VAX2: variants seen among roughly 807,000 people sequenced by gnomAD.
The protein encoded by VAX2 is ventral anterior homeobox 2.
In VAX2, 8 loss-of-function variants were observed where a neutral mutation model predicts 12.5. That is an observed-to-expected ratio of 0.64 (90% confidence interval 0.37 to 1.15). The LOEUF (loss-of-function observed/expected upper bound fraction) is 1.15. VAX2 is among the 50% of genes most tolerant of loss of function. The pLI, the probability that VAX2 is intolerant of heterozygous loss-of-function variation, is 0.01. For missense variants in VAX2, 476 were observed against 412.9 expected, an observed-to-expected ratio of 1.15 and a Z score of -1.32; for synonymous variants, 183 against 187.6, an observed-to-expected ratio of 0.98 and a Z score of 0.20.
At chr2:70,901,504 C>T (rs1482760757) in intron 1 of VAX2, among the ~76,000 whole-genome samples, 8 of 152,266 alleles carry the variant, frequency 5.3e-5, no homozygotes, top group African/African-American at 1.9e-4. Context: ...TTCCCGCGGC[C>T]TGGCCTTTCA....
At chr2:70,927,794 C>T (rs1310544634) in intron 2 of VAX2, among the ~76,000 whole-genome samples, 1 of 151,872 alleles carries the variant, frequency 6.6e-6, no homozygotes, top group Non-Finnish European at 1.5e-5. Flanking sequence ...ACAGTGTGGC[C>T]CAGCAAGAGA....
intron 1 of VAX2, among the ~76,000 whole-genome samples, chr2:70,907,655 A>G (rs1457575309): frequency 6.6e-6 from 1 of 152,266 alleles, no homozygotes; most frequent in East Asian, 1.9e-4. Context: ...TACGAGGCAC[A>G]GCCTCCGGCA....
chr2:70,926,975 G>T (rs562836117), intron 2 of VAX2, among the ~76,000 whole-genome samples: 1 of 152,120 alleles, frequency 6.6e-6, no homozygotes, highest in Non-Finnish European at 1.5e-5. Context: ...GATTCTCCAC[G>T]ATAGTTTGCT....
intron 1 of VAX2, among the ~76,000 whole-genome samples, chr2:70,901,814 G>A (rs1188221370): frequency 6.6e-6 from 1 of 152,228 alleles, no homozygotes. Context: ...CGCGGCCAGA[G>A]CCTGAAGTCC....
At chr2:70,917,730 C>T (rs990566557) in intron 1 of VAX2, among the ~76,000 whole-genome samples, 2 of 134,870 alleles carry the variant, frequency 1.5e-5, no homozygotes, top group Non-Finnish European at 3.1e-5. Context: ...CTGCACTTGG[C>T]TGCTCCCTGA....
chr2:70,912,433 G>A (rs371138573), intron 1 of VAX2, among the ~76,000 whole-genome samples: 2 of 152,104 alleles, frequency 1.3e-5, no homozygotes, highest in Admixed American at 1.3e-4. Flanking sequence ...AGGCCAGAGG[G>A]GGCAGATCAC....
At chr2:70,901,160 G>A (rs2104752351) in intron 1 of VAX2, among the ~76,000 whole-genome samples, 1 of 152,376 alleles carries the variant, frequency 6.6e-6, no homozygotes, top group Middle Eastern at 3.4e-3. Context: ...CAGAAATGGA[G>A]TGCGGGATGC....
chr2:70,912,325 T>C (rs1024565509), intron 1 of VAX2, among the ~76,000 whole-genome samples: 6 of 152,180 alleles, frequency 3.9e-5, no homozygotes, highest in Non-Finnish European at 8.8e-5. Context: ...AATCACATTA[T>C]ATTTGTAGGT....
In VAX2 at chr2:70,921,260, G is replaced by A. The variant is rs145930788; in HGVS notation, c.410G>A (p.Arg137His). 35 of 1,610,638 alleles carry A rather than the reference G, an allele frequency of 2.2e-5. No homozygotes were observed. The Middle Eastern group carries it at 6.6e-4, about 30-fold the overall frequency. The change falls in exon 2 of 3, where the codon CGC (arginine) becomes CAC (histidine). Residue 137 changes from arginine to histidine, a missense_variant. Physicochemically the swap from Arg to His is conservative, Grantham distance 29. Transcript: ENST00000234392. ...GGCCGCGAGCGCACTGAGCTGGCCC[G>A]CCAGCTGAACCTCTCCGAGACCCAG... ...VVGRERTELA[R>H]QLNLSETQVK...
intron 2 of VAX2, among the ~76,000 whole-genome samples, chr2:70,925,530 A>C (rs1210550828): frequency 2.0e-5 from 3 of 152,180 alleles, no homozygotes; most frequent in African/African-American, 7.2e-5. Context: ...GGATCAGTTA[A>C]GTTTGAGATC....
chr2:70,925,546 G>A (rs564055543), intron 2 of VAX2, among the ~76,000 whole-genome samples: 3 of 152,276 alleles, frequency 2.0e-5, no homozygotes, highest in Non-Finnish European at 1.5e-5. Flanking sequence ...AGATCCCAGC[G>A]GAGATGTCAA....
intron 2 of VAX2, among the ~76,000 whole-genome samples, chr2:70,922,740 T>C (rs542895677): frequency 1.3e-5 from 2 of 152,244 alleles, no homozygotes; most frequent in South Asian, 2.1e-4. Flanking sequence ...GCACTTGTTT[T>C]TCCCCAGCTG....
intron 2 of VAX2, among the ~76,000 whole-genome samples, chr2:70,930,490 C>A (rs1246149546): frequency 6.6e-6 from 1 of 152,240 alleles, no homozygotes; most frequent in Non-Finnish European, 1.5e-5. Flanking sequence ...CTTGCTCCCT[C>A]TTCCCCCAAC....
intron 1 of VAX2, among the ~76,000 whole-genome samples, chr2:70,903,850 G>C (rs1553410119): frequency 6.6e-6 from 1 of 152,176 alleles, no homozygotes; most frequent in Non-Finnish European, 1.5e-5. Flanking sequence ...TAGGGGTTAA[G>C]AAGCCACTAA....
intron 2 of VAX2, among the ~76,000 whole-genome samples, chr2:70,928,969 G>A (rs1257019772): frequency 5.3e-5 from 8 of 152,234 alleles, no homozygotes; most frequent in African/African-American, 1.9e-4. Flanking sequence ...AGGTGGCCTG[G>A]CCTCAGGTCC....
At chr2:70,910,050 A>G (rs1316822971) in intron 1 of VAX2, among the ~76,000 whole-genome samples, 1 of 152,098 alleles carries the variant, frequency 6.6e-6, no homozygotes, top group Non-Finnish European at 1.5e-5. Context: ...TTATTATATT[A>G]AGGAATAATT....
chr2:70,915,426 C>T (rs369540998), intron 1 of VAX2, among the ~76,000 whole-genome samples: 35 of 151,994 alleles, frequency 2.3e-4, no homozygotes, highest in African/African-American at 7.7e-4. Context: ...GACGGAGTTT[C>T]GCCACGTTGG....
intron 1 of VAX2, among the ~76,000 whole-genome samples, chr2:70,919,623 T>C (rs1477608180): frequency 2.6e-5 from 4 of 152,096 alleles, no homozygotes; most frequent in Admixed American, 6.6e-5. Flanking sequence ...GGCAGATCAC[T>C]TGAACCCAGA....
rs142431637 is a variant in VAX2 at position 70,932,988 on chromosome 2, A to C, written c.657A>C (p.Leu219Phe). Residue 219 changes from leucine (L) to phenylalanine (F), a missense_variant, in exon 3 of 3, where the codon TTA becomes TTC. Coordinates refer to ENST00000234392, the MANE Select transcript of VAX2 (RefSeq NM_012476.3). The part of the protein sequence containing the change: ...GLPASHRGTS[L>F]GDPRNSSPRL... ...CTGCCAGCCACAGGGGCACCTCCTT[A>C]GGTGACCCCAGGAACTCCTCCCCAC... 5.1e-5 allele frequency: 82 copies of C among 1,607,812 alleles called. No homozygotes were observed. Among genetic ancestry groups the C allele is most frequent in the Non-Finnish European group, 6.9e-5 (81 of 1,176,456 alleles).
Sources: allele counts gnomAD v4.1 joint callset (sites outside exome capture counted in the v4.1 genomes callset), GRCh38; gene constraint gnomAD v4.1.1; transcripts MANE v1.5; gene names NCBI Gene and HGNC (gene_info 2026-07-23, HGNC 2026-07-21).